WDR20: variants seen among roughly 807,000 people sequenced by gnomAD.
WDR20 encodes WD repeat domain 20.
Under a neutral mutation model 38.7 loss-of-function variants are expected in WDR20, and 3 were observed. That is an observed-to-expected ratio of 0.08 (90% CI 0.04 to 0.20). The LOEUF (loss-of-function observed/expected upper bound fraction) is 0.20, where lower values mean the gene tolerates loss of function less well. Ranked by LOEUF, WDR20 falls within the 10% of genes least tolerant of loss-of-function variation. WDR20 has a pLI of 1.00. For synonymous variants in WDR20, 298 were observed against 285.6 expected (o/e 1.04, Z -0.44); for missense variants, 559 against 727.7 (o/e 0.77, Z 2.67).
Position 102,210,359 on chromosome 14 carries a change from G to T in WDR20, c.*479G>T. 1.0e-6 allele frequency: 1 copy of T among 985,688 alleles called. No homozygotes were observed. Among genetic ancestry groups the T allele is most frequent in the Non-Finnish European group, 1.2e-6 (1 of 830,000 alleles). 61.1% of individuals were successfully genotyped at this position (985,688 alleles called of 1,614,324 possible). On this transcript the variant is annotated 3_prime_UTR_variant, in exon 3 of 3. Coordinates refer to ENST00000342702, the MANE Select transcript of WDR20 (RefSeq NM_144574.4). ...TTTTATCTTAATCATAAAATGTTTAGGAATCTATGAAATTTAACTTTAGGA... is the reference window on the plus strand; with the variant it reads ...TTTTATCTTAATCATAAAATGTTTATGAATCTATGAAATTTAACTTTAGGA...
At chr14:102,200,749 A>C (rs1204587075) in intron 2 of WDR20, among the ~76,000 whole-genome samples, 1 of 152,196 alleles carries the variant, frequency 6.6e-6, no homozygotes, top group Admixed American at 6.5e-5. Flanking sequence ...TTCGTTACTG[A>C]CACGATACCC....
chr14:102,213,129 C>T, downstream of WDR20: 1 of 986,102 alleles, frequency 1.0e-6, no homozygotes, highest in Non-Finnish European at 1.2e-6. Context: ...GCCTTTTTCA[C>T]CAGAATTCAA....
chr14:102,193,221 C>T (rs1038697951), intron 1 of WDR20, among the ~76,000 whole-genome samples: 2 of 151,618 alleles, frequency 1.3e-5, no homozygotes, highest in Admixed American at 6.6e-5. Flanking sequence ...CCCTGCCATC[C>T]GAGCCGCTCA....
chr14:102,177,680 G>A (rs1280285396), intron 1 of WDR20, among the ~76,000 whole-genome samples: 1 of 152,196 alleles, frequency 6.6e-6, no homozygotes, highest in Non-Finnish European at 1.5e-5. Context: ...GATTCTGGGA[G>A]TAGCAGGTGA....
downstream of WDR20, chr14:102,213,748 T>C (rs2062844958): frequency 2.0e-6 from 2 of 985,296 alleles, no homozygotes; most frequent in East Asian, 2.3e-4. Context: ...TGAAGTTGCC[T>C]GCATACAAGG....
At chr14:102,173,498 T>C (rs1009544081) in intron 1 of WDR20, among the ~76,000 whole-genome samples, 1 of 150,016 alleles carries the variant, frequency 6.7e-6, no homozygotes, top group African/African-American at 2.4e-5. Flanking sequence ...AATAGGTTTT[T>C]GGGGAACAGG....
At chr14:102,189,976 A>G (rs1033425899) in intron 1 of WDR20, among the ~76,000 whole-genome samples, 6 of 152,156 alleles carry the variant, frequency 3.9e-5, no homozygotes, top group African/African-American at 1.2e-4. Flanking sequence ...ACTGACGGGC[A>G]CGATTCCTGG....
downstream of WDR20, among the ~76,000 whole-genome samples, chr14:102,215,759 C>T (rs926673880): frequency 6.6e-6 from 1 of 152,112 alleles, no homozygotes; most frequent in Non-Finnish European, 1.5e-5. Context: ...CCAGGCCCGT[C>T]GTCGGTGCAG....
chr14:102,195,542 G>A (rs1452034753), intron 2 of WDR20, among the ~76,000 whole-genome samples: 1 of 152,196 alleles, frequency 6.6e-6, no homozygotes, highest in Non-Finnish European at 1.5e-5. Flanking sequence ...ATGTATGTTT[G>A]ACAGTCATTT....
chr14:102,177,335 A>C (rs963273346), intron 1 of WDR20, among the ~76,000 whole-genome samples: 1 of 152,216 alleles, frequency 6.6e-6, no homozygotes, highest in African/African-American at 2.4e-5. Context: ...AGAAGCTGTG[A>C]GACTGCAGGA....
At chr14:102,149,885 G>A (rs960438273) in intron 1 of WDR20, among the ~76,000 whole-genome samples, 1 of 152,078 alleles carries the variant, frequency 6.6e-6, no homozygotes, top group African/African-American at 2.4e-5. Context: ...GTAGAGATGG[G>A]GTTTCACTGT....
downstream of WDR20, among the ~76,000 whole-genome samples, chr14:102,210,824 G>T (rs1039234935): frequency 6.6e-6 from 1 of 152,150 alleles, no homozygotes; most frequent in East Asian, 1.9e-4. Flanking sequence ...GAGACTCCCC[G>T]AGTCTTCCGA....
intron 2 of WDR20, among the ~76,000 whole-genome samples, chr14:102,199,096 T>TGTTA (rs1267620411): frequency 2.6e-5 from 4 of 152,140 alleles, no homozygotes; most frequent in African/African-American, 9.7e-5. Flanking sequence ...CCATCTCAGC[T>TGTTA]ACTGCTTTCA....
chr14:102,213,735 T>G, downstream of WDR20: 2 of 985,384 alleles, frequency 2.0e-6, no homozygotes, highest in Non-Finnish European at 2.4e-6. Flanking sequence ...ATGAAATGAG[T>G]GCTGAAGTTG....
intron 1 of WDR20, among the ~76,000 whole-genome samples, chr14:102,166,417 C>G (rs2059798970): frequency 6.6e-6 from 1 of 152,116 alleles, no homozygotes; most frequent in Non-Finnish European, 1.5e-5. Context: ...TATTCCTTAT[C>G]TGTTAGGCTG....
intron 1 of WDR20, chr14:102,193,434 T>A: frequency 6.2e-7 from 1 of 1,604,972 alleles, no homozygotes; most frequent in South Asian, 1.1e-5. Context: ...GGCTCTTTCA[T>A]GTATATATTC....
chr14:102,194,464 C>T (rs1178745217), intron 1 of WDR20, among the ~76,000 whole-genome samples: 4 of 152,120 alleles, frequency 2.6e-5, no homozygotes, highest in Admixed American at 6.6e-5. Context: ...TTTCTAAGTT[C>T]CCACATGCTG....
chr14:102,197,902 C>T (rs1198279475), intron 2 of WDR20: 2 of 676,572 alleles, frequency 3.0e-6, no homozygotes, highest in Non-Finnish European at 5.4e-6. Context: ...TCATTCAGGA[C>T]CTTGACTACC....
chr14:102,208,518 C>A lies in WDR20; in HGVS notation c.433-85C>A. The A allele has an allele frequency of 2.0e-6, 3 of 1,492,032 alleles. No individual in the cohort carries two copies. Among genetic ancestry groups the A allele is most frequent in the Non-Finnish European group, 2.7e-6 (3 of 1,122,952 alleles). 92.4% of individuals were successfully genotyped at this position (1,492,032 alleles called of 1,614,324 possible). ...CCTGGATAGACTTGCCCCTTCCCAT[C>A]GAGAAGCACACAAGTTTTCTTGCTG... On this transcript the variant is annotated intron_variant, in intron 2 of 2. Transcript: ENST00000342702. This position sits in a 1 kb window ranked among gnomAD's most constrained non-coding sequence, Gnocchi z 5.6.
Sources: gnomAD v4.1 joint callset for allele counts (sites outside exome capture counted in the v4.1 genomes callset) on GRCh38, gnomAD v4.1.1 for gene constraint, Gnocchi (gnomAD v3.1) non-coding constraint, MANE v1.5 for transcripts, NCBI Gene and HGNC (gene_info 2026-07-23, HGNC 2026-07-21) for gene names.